The following ZNF235 variants were observed in gnomAD, a reference collection of about 807,000 sequenced individuals.
ZNF235 encodes the protein zfp-93.
In ZNF235, 25 loss-of-function variants were observed where a neutral mutation model predicts 29.4. The ratio of observed to expected loss-of-function variants is 0.85; its 90% CI spans 0.62 to 1.19. The LOEUF (loss-of-function observed/expected upper bound fraction) is 1.19. ZNF235 is among the 50% of genes most tolerant of loss of function. The pLI is 0.00. For synonymous variants in ZNF235, 300 were observed against 295.3 expected (o/e 1.02, Z -0.16); for missense variants, 788 against 885.0 (o/e 0.89, Z 1.39).
chr19:44,304,946 T>C (rs1464355842), intron 1 of ZNF235, 25 bp downstream of exon 1: 1 of 985,394 alleles, frequency 1.0e-6, no homozygotes, highest in Non-Finnish European at 1.2e-6. Flanking sequence ...CTCGGAGAAG[T>C]CTTGGAGACC....
chr19:44,297,843 C>T (rs1385220254), intron 4 of ZNF235, among the ~76,000 whole-genome samples: 2 of 152,076 alleles, frequency 1.3e-5, no homozygotes, highest in South Asian at 2.1e-4. Flanking sequence ...AGGGGCTGGG[C>T]GCAGTGGCTC....
chr19:44,295,834 T>C (rs1312205177), intron 4 of ZNF235, among the ~76,000 whole-genome samples: 1 of 152,118 alleles, frequency 6.6e-6, no homozygotes, highest in Non-Finnish European at 1.5e-5. Flanking sequence ...AAACATACAC[T>C]GGGGAAAGGA....
Position 44,288,827 on chromosome 19 carries a change from A to T in ZNF235, c.608T>A (p.Met203Lys), listed in dbSNP as rs773544257. ...NYQRSCKQTQ[M>K]KNKLCIFAPY... ...AGCAAATATACATAGTTTGTTTTTC[A>T]TCTGAGTCTGCTTACAACTTCTCTG... Residue 203 changes from methionine (M) to lysine (K), a missense_variant, in exon 5 of 5, where the codon ATG becomes AAG. Transcript: ENST00000291182. The T allele has an allele frequency of 2.5e-6, 4 of 1,612,940 alleles. No individual in the cohort carries two copies. Among genetic ancestry groups the T allele is most frequent in the Non-Finnish European group, 3.4e-6 (4 of 1,179,270 alleles).
At chr19:44,300,587 C>T (rs942689667) in intron 2 of ZNF235, among the ~76,000 whole-genome samples, 7 of 152,048 alleles carry the variant, frequency 4.6e-5, no homozygotes, top group Admixed American at 2.0e-4. Context: ...CTTCTGTAAT[C>T]CCAGCACTTT....
In ZNF235 at chr19:44,287,021, G is replaced by A. The variant is rs536332440; in HGVS notation, c.*197C>T. ...CATATTTACAGAACAAAGTTTTCTC[G>A]CATCTGTGAAATATGACGTTTGTAA... On this transcript the variant is annotated 3_prime_UTR_variant, in exon 5 of 5. Transcript: ENST00000291182. 2.8e-5 allele frequency: 15 copies of A among 544,666 alleles called. No individual in the cohort carries two copies. The highest frequency in any genetic ancestry group is 1.2e-4 in the East Asian group (4 of 33,640). The allele number at this position is 544,666 out of a possible 1,614,324, so 33.7% of individuals were successfully genotyped here. A position where few individuals can be genotyped will look rare whatever the true frequency, so the allele number is the denominator to read the frequency against.
chr19:44,304,998 C>G lies in ZNF235; in HGVS notation c.-76G>C. The G allele has an allele frequency of 4.1e-6, 4 of 963,874 alleles. 1 individual carries two copies. Among genetic ancestry groups the G allele is most frequent in the Non-Finnish European group, 3.7e-6 (3 of 810,250 alleles). 59.7% of individuals were successfully genotyped at this position (963,874 alleles called of 1,614,324 possible). A position where few individuals can be genotyped will look rare whatever the true frequency, so the allele number is the denominator to read the frequency against. On this transcript the variant is annotated 5_prime_UTR_variant, in exon 1 of 5. Transcript: ENST00000291182. Reference sequence around the variant, plus strand: ...CCCTGGGAGATATCTCAGATCCGACCTCGCCTTCCTGGAGCGGAAGTGCCT... The same window carrying G: ...CCCTGGGAGATATCTCAGATCCGACGTCGCCTTCCTGGAGCGGAAGTGCCT...
At chr19:44,298,530 G>A (rs943640109) in intron 4 of ZNF235, among the ~76,000 whole-genome samples, 1 of 152,078 alleles carries the variant, frequency 6.6e-6, no homozygotes, top group East Asian at 1.9e-4. Context: ...TGAGTAGCTG[G>A]GACTACAGGC....
chr19:44,288,131 T>A lies in ZNF235; in HGVS notation c.1304A>T (p.Asp435Val), dbSNP rs773946975. Residue 435 changes from aspartate (D) to valine (V), a missense_variant, in exon 5 of 5, where the codon GAT becomes GTT. Asp to Val is a radical substitution (Grantham distance 152). Transcript: ENST00000291182. ...GCTACAACTAAAGCGTTTACCACAA[T>A]CCCCACATTTATATGGTTTCTCTCC... ...HTGEKPYKCG[D>V]CGKRFSCSSN... 14 of 1,613,830 alleles carry A rather than the reference T, an allele frequency of 8.7e-6. No individual in the cohort carries two copies. In the East Asian group the frequency reaches 3.1e-4, roughly 36 times the overall value.
intron 3 of ZNF235, 25 bp from the exon 4 acceptor site, chr19:44,298,928 A>G: frequency 6.3e-7 from 1 of 1,576,222 alleles, no homozygotes; most frequent in South Asian, 1.1e-5. Flanking sequence ...TATTTAAGTG[A>G]AAATGTTAAA....
chr19:44,303,044 A>G (rs979458362), intron 2 of ZNF235, among the ~76,000 whole-genome samples: 6 of 140,378 alleles, frequency 4.3e-5, no homozygotes, highest in African/African-American at 1.6e-4. Flanking sequence ...TATATTGTAT[A>G]CATTTATATA....
Position 44,288,968 on chromosome 19 carries a change from T to G in ZNF235, c.467A>C (p.Asn156Thr). ...ATCCCCTATGTGATTCACTAGACAG[T>G]TGTCATCCACAGAAGCTTGAATAGA... is the stretch of plus-strand genomic sequence containing the variant. ...GESIQASVDD[N>T]CLVNHIGDHS... The change falls in exon 5 of 5, where the codon AAC becomes ACC. Residue 156 changes from asparagine to threonine, a missense_variant. By Grantham distance (65) the Asn-to-Thr change is moderately conservative. Coordinates refer to ENST00000291182, the MANE Select transcript of ZNF235 (RefSeq NM_004234.4). The G allele has an allele frequency of 2.5e-6, 4 of 1,613,932 alleles. No homozygotes were observed. Among genetic ancestry groups the G allele is most frequent in the Non-Finnish European group, 3.4e-6 (4 of 1,179,822 alleles).
In ZNF235 at chr19:44,298,945, G is replaced by C. The variant is rs746652483; in HGVS notation, c.143-42C>G. On this transcript the variant is annotated intron_variant, in intron 3 of 4. Transcript: ENST00000291182. ...TTTAAGTGAAAATGTTAAAGGCAAAGAGTACTGAAAAAATCTGGTTCCAAT... is the reference window on the plus strand; with the variant it reads ...TTTAAGTGAAAATGTTAAAGGCAAACAGTACTGAAAAAATCTGGTTCCAAT... 4.7e-6 allele frequency: 7 copies of C among 1,505,162 alleles called. No homozygotes were observed. The South Asian group carries it at 6.9e-5, about 15-fold the overall frequency. The allele number at this position is 1,505,162 out of a possible 1,614,324, so 93.2% of individuals were successfully genotyped here.
intron 4 of ZNF235, among the ~76,000 whole-genome samples, chr19:44,292,477 A>G (rs187507168): frequency 6.6e-6 from 1 of 151,812 alleles, no homozygotes; most frequent in East Asian, 2.0e-4. Flanking sequence ...ACAATAGACT[A>G]GACAAGCAGA....
chr19:44,298,170 G>T (rs1301437099), intron 4 of ZNF235, among the ~76,000 whole-genome samples: 1 of 152,084 alleles, frequency 6.6e-6, no homozygotes, highest in Non-Finnish European at 1.5e-5. Flanking sequence ...CAGCATTCCA[G>T]CCAGAGAATA....
chr19:44,303,469 C>A lies in ZNF235; in HGVS notation c.-48-17G>T. On this transcript the variant is annotated splice_polypyrimidine_tract_variant and intron_variant, in intron 1 of 4. Transcript: ENST00000291182. ...GAAGTGAACCTGAGGGAGGGAAAGGCATCATGAGATAGGTTAGGGATGGCA... is the reference window on the plus strand; with the variant it reads ...GAAGTGAACCTGAGGGAGGGAAAGGAATCATGAGATAGGTTAGGGATGGCA... 1 of 1,593,850 alleles carries A rather than the reference C, an allele frequency of 6.3e-7. No individual in the cohort carries two copies. The highest frequency in any genetic ancestry group is 1.1e-5 in the South Asian group (1 of 89,352).
chr19:44,299,020 A>C (rs556839228), intron 3 of ZNF235, 117 bp from the exon 4 acceptor site: 8 of 628,982 alleles, frequency 1.3e-5, no homozygotes, highest in Non-Finnish European at 2.7e-6. Context: ...TTTAGGGAAC[A>C]TTTTTTTTTG....
chr19:44,293,697 A>G (rs1975615557), intron 4 of ZNF235, among the ~76,000 whole-genome samples: 1 of 152,140 alleles, frequency 6.6e-6, no homozygotes, highest in Admixed American at 6.5e-5. Flanking sequence ...ATACATTTTT[A>G]AAAACCAAAA....
At chr19:44,299,486 C>T in intron 3 of ZNF235, 120 bp downstream of exon 3, 1 of 1,292,198 alleles carries the variant, frequency 7.7e-7, no homozygotes, top group Non-Finnish European at 1.1e-6. Context: ...GCCAGGGATG[C>T]CACTAAACAT....
At chr19:44,294,968 C>CTGA (rs1975634635) in intron 4 of ZNF235, among the ~76,000 whole-genome samples, 1 of 151,966 alleles carries the variant, frequency 6.6e-6, no homozygotes, top group African/African-American at 2.4e-5. Flanking sequence ...TATGACAACC[C>CTGA]ATAGGTAACA....
Sources: allele counts gnomAD v4.1 joint callset (sites outside exome capture counted in the v4.1 genomes callset), GRCh38; gene constraint gnomAD v4.1.1; transcripts MANE v1.5; gene names NCBI Gene and HGNC (gene_info 2026-07-23, HGNC 2026-07-21).